Variants in SMYD1 observed in about 807,000 individuals in gnomAD.
The protein encoded by SMYD1 is SET and MYND domain containing 1, also known as histone-lysine N-methyltransferase SMYD1.
A neutral mutation model predicts 54.0 loss-of-function variants in SMYD1; 49 were observed. That is an observed-to-expected ratio of 0.91 (90% CI 0.72 to 1.15). The LOEUF is 1.15. Among genes scored for constraint, SMYD1 ranks in the 50% most tolerant of loss-of-function variants. The pLI, the probability that SMYD1 is intolerant of heterozygous loss-of-function variation, is 0.00. For missense variants in SMYD1, 653 were observed against 639.6 expected, an observed-to-expected ratio of 1.02 and a Z score of -0.23; for synonymous variants, 269 against 234.2, an observed-to-expected ratio of 1.15 and a Z score of -1.36.
At chr2:88,094,410 A>G (rs1281114268) in intron 5 of SMYD1, among the ~76,000 whole-genome samples, 1 of 152,160 alleles carries the variant, frequency 6.6e-6, no homozygotes, top group Admixed American at 6.5e-5. Flanking sequence ...AATTAGCTGA[A>G]CTATGGAATT....
At chr2:88,080,895 T>C (rs1297888010) in intron 1 of SMYD1, among the ~76,000 whole-genome samples, 1 of 144,650 alleles carries the variant, frequency 6.9e-6, no homozygotes, top group East Asian at 2.2e-4. Context: ...GATGGATATA[T>C]TCATTATTTA....
At chr2:88,105,998 A>G (rs1273694996) in intron 7 of SMYD1, among the ~76,000 whole-genome samples, 1 of 152,074 alleles carries the variant, frequency 6.6e-6, no homozygotes, top group African/African-American at 2.4e-5. Context: ...GAACTTGTGC[A>G]TATACAGATC....
At chr2:88,090,214 A>G (rs892209427) in intron 3 of SMYD1, among the ~76,000 whole-genome samples, 1 of 152,220 alleles carries the variant, frequency 6.6e-6, no homozygotes, top group Non-Finnish European at 1.5e-5. Context: ...TATGACAAAT[A>G]TCCATGTGAG....
intron 1 of SMYD1, among the ~76,000 whole-genome samples, chr2:88,078,992 G>T (rs1674128784): frequency 6.6e-6 from 1 of 152,236 alleles, no homozygotes; most frequent in African/African-American, 2.4e-5. Flanking sequence ...TGATCCTGGA[G>T]GAACTATTTG....
chr2:88,076,432 C>T (rs923590806), intron 1 of SMYD1, among the ~76,000 whole-genome samples: 1 of 152,062 alleles, frequency 6.6e-6, no homozygotes, highest in African/African-American at 2.4e-5. Context: ...GCCGTGTTGG[C>T]CAGGATGTTC....
chr2:88,093,218 T>C (rs942212914), intron 4 of SMYD1, among the ~76,000 whole-genome samples: 1 of 152,216 alleles, frequency 6.6e-6, no homozygotes, highest in African/African-American at 2.4e-5. Context: ...TGCTTTTAAC[T>C]GTCTCATGAC....
chr2:88,089,583 CTGT>C (rs1479695318), intron 3 of SMYD1, among the ~76,000 whole-genome samples: 13 of 114,990 alleles, frequency 1.1e-4, no homozygotes, highest in African/African-American at 4.4e-4. Context: ...GAGCTTCTAC[CTGT>C]TTTTTTTTTT....
Position 88,096,601 on chromosome 2 carries a change from G to A in SMYD1, c.705G>A (p.Glu235=), listed in dbSNP as rs2919882. 0.34 allele frequency: 550,115 copies of A among 1,597,844 alleles called. 97,661 individuals are homozygous for A. The highest frequency in any genetic ancestry group is 0.42 in the African/African-American group (30,986 of 74,466). ...TCCTTTCACCCTGCTTCAGAATTGA[G>A]CTCCGGGCCCTAGGCAAGATCTCAG... ...KSMFHTQMRI[E]LRALGKISEG... Residue 235 remains glutamate (E), a synonymous_variant, in exon 6 of 10, where the codon GAG becomes GAA. Transcript: ENST00000419482.
rs944682851 is a variant in SMYD1 at position 88,111,996 on chromosome 2, C to T, written c.*1484C>T. ...CACCACATGATGACCTGCTGTGTCCCTCTGAGCACTACCCAGTGGCTGAAA... is the reference window on the plus strand; with the variant it reads ...CACCACATGATGACCTGCTGTGTCCTTCTGAGCACTACCCAGTGGCTGAAA... On this transcript the variant is annotated 3_prime_UTR_variant, in exon 10 of 10. Transcript: ENST00000419482. 5.7e-6 allele frequency: 4 copies of T among 699,412 alleles called. No homozygotes were observed. The African/African-American group carries it at 7.0e-5, about 12-fold the overall frequency. The allele number at this position is 699,412 out of a possible 1,614,324, so 43.3% of individuals were successfully genotyped here. A position where few individuals can be genotyped will look rare whatever the true frequency, so the allele number is the denominator to read the frequency against.
intron 1 of SMYD1, among the ~76,000 whole-genome samples, chr2:88,078,294 T>C (rs567556815): frequency 6.6e-6 from 1 of 152,350 alleles, no homozygotes; most frequent in East Asian, 1.9e-4. Flanking sequence ...ATGAGAGTGG[T>C]GAGATTTCAG....
At chr2:88,069,486 T>C (rs185791195) in intron 1 of SMYD1, among the ~76,000 whole-genome samples, 2 of 152,324 alleles carry the variant, frequency 1.3e-5, no homozygotes, top group African/African-American at 4.8e-5. Flanking sequence ...GGGAGCCAGC[T>C]GGATTCAGAG....
intron 6 of SMYD1, among the ~76,000 whole-genome samples, chr2:88,102,551 A>G (rs1475497995): frequency 6.6e-6 from 1 of 152,230 alleles, no homozygotes; most frequent in Non-Finnish European, 1.5e-5. Context: ...AGCCTCCTTA[A>G]TGAACTCGAA....
At chr2:88,093,608 A>C in intron 5 of SMYD1, 53 bp downstream of exon 5, 1 of 1,610,092 alleles carries the variant, frequency 6.2e-7, no homozygotes, top group Non-Finnish European at 8.5e-7. Flanking sequence ...TCCCTCACTT[A>C]CCTGGTTTGC....
intron 6 of SMYD1, among the ~76,000 whole-genome samples, chr2:88,097,392 C>T (rs1452880910): frequency 3.3e-5 from 5 of 152,000 alleles, no homozygotes; most frequent in South Asian, 4.2e-4. Context: ...AGAGCTGAGC[C>T]GCCAGGTGTC....
At chr2:88,100,451 A>G (rs1263795455) in intron 6 of SMYD1, among the ~76,000 whole-genome samples, 2 of 152,192 alleles carry the variant, frequency 1.3e-5, no homozygotes, top group Non-Finnish European at 2.9e-5. Flanking sequence ...GAATTTTGAG[A>G]TTTAAAGATA....
At chr2:88,103,525 A>G (rs1331818482) in intron 7 of SMYD1, among the ~76,000 whole-genome samples, 1 of 152,122 alleles carries the variant, frequency 6.6e-6, no homozygotes, top group East Asian at 1.9e-4. Context: ...TGTGCCAGCT[A>G]CAGTTTTCAG....
rs1391945323 is a variant in SMYD1 at position 88,067,975 on chromosome 2, G to A, written c.111G>A (p.Arg37=). The A allele has an allele frequency of 3.1e-6, 5 of 1,613,538 alleles. No homozygotes were observed. The African/African-American group carries it at 6.7e-5, about 22-fold the overall frequency. The change falls in exon 1 of 10, where the codon CGG becomes CGA. Residue 37 remains arginine, a synonymous_variant. Coordinates refer to ENST00000419482, the MANE Select transcript of SMYD1 (RefSeq NM_198274.4). Reference sequence around the variant, plus strand: ...CTGCAGATATCATCTTTGCTGAGCGGGCTTATTCCGCAGTGGTTTTTGACA... The same window carrying A: ...CTGCAGATATCATCTTTGCTGAGCGAGCTTATTCCGCAGTGGTTTTTGACA... ...FWAADIIFAE[R]AYSAVVFDSL...
chr2:88,100,237 C>A (rs1433451884), intron 6 of SMYD1, among the ~76,000 whole-genome samples: 1 of 152,120 alleles, frequency 6.6e-6, no homozygotes, highest in Admixed American at 6.5e-5. Context: ...TCACATGTTG[C>A]ACTTATTAAT....
Position 88,084,352 on chromosome 2 carries a change from G to A in SMYD1, c.174G>A (p.Arg58=). 1.9e-6 allele frequency: 3 copies of A among 1,585,056 alleles called. No individual in the cohort carries two copies. Among genetic ancestry groups the A allele is most frequent in the Non-Finnish European group, 2.6e-6 (3 of 1,156,286 alleles). ...TTGTGTGCCACACCTGCTTCAAGAG[G>A]CAGGAGAAGCTCCATCGCTGTGGGC... The part of the protein sequence containing the change: ...VNFVCHTCFK[R]QEKLHRCGQC... Residue 58 remains arginine (R), a synonymous_variant, in exon 2 of 10, where the codon AGG becomes AGA. Transcript: ENST00000419482.
Sources: allele counts gnomAD v4.1 joint callset (sites outside exome capture counted in the v4.1 genomes callset), GRCh38; gene constraint gnomAD v4.1.1; transcripts MANE v1.5; gene names NCBI Gene and HGNC (gene_info 2026-07-23, HGNC 2026-07-21).